Variants in CLK1 observed in about 807,000 individuals in gnomAD.
The protein encoded by CLK1 is dual specificity protein kinase CLK1.
In CLK1, 40 loss-of-function variants were observed where a neutral mutation model predicts 60.9. That is an observed-to-expected ratio of 0.66 (90% CI 0.51 to 0.86). CLK1 has a LOEUF of 0.86. CLK1 is among the 40% of genes least tolerant of loss of function. CLK1 has a pLI of 0.00. For missense variants in CLK1, 563 were observed against 606.1 expected, an observed-to-expected ratio of 0.93 and a Z score of 0.75; for synonymous variants, 203 against 184.4, an observed-to-expected ratio of 1.10 and a Z score of -0.82.
intron 3 of CLK1, chr2:200,860,535 A>G (rs2039120206): frequency 9.4e-7 from 1 of 1,063,862 alleles, no homozygotes; most frequent in Non-Finnish European, 1.1e-6. Flanking sequence ...ACTGAAACAT[A>G]ATTTTTTAGT....
Position 200,859,670 on chromosome 2 carries a change from G to A in CLK1, c.548+10C>T, listed in dbSNP as rs1414406226. On this transcript the variant is annotated intron_variant, in intron 5 of 12. Transcript: ENST00000321356. The stretch of plus-strand genomic sequence containing the variant: ...CTTCCCTAAAAGTAATCCCAACATG[G>A]GAAACTTACGCTTTATGATCGATGC... The A allele has an allele frequency of 1.9e-6, 3 of 1,608,338 alleles. No individual in the cohort carries two copies. Among genetic ancestry groups the A allele is most frequent in the Admixed American group, 1.7e-5 (1 of 59,162 alleles).
chr2:200,853,355 CTG>C lies in CLK1; in HGVS notation c.1404_1405del (p.Glu470SerfsTer8). On this transcript the variant is annotated frameshift_variant, in exon 13 of 13. Transcript: ENST00000321356. LOFTEE classifies it high-confidence loss of function. The stretch of plus-strand genomic sequence containing the variant: ...AAAGAAAGGATGCTTTAAGGCTTCT[CTG>C]AGAGTAATTCTTTTGGCTGGATCAT... The C allele has an allele frequency of 2.5e-6, 4 of 1,613,360 alleles. No individual in the cohort carries two copies. Among genetic ancestry groups the C allele is most frequent in the Non-Finnish European group, 3.4e-6 (4 of 1,179,654 alleles).
At position 200,854,986 on chromosome 2, in the gene CLK1, T is replaced by C. The variant is rs200832543; in HGVS notation, c.1140+18A>G. ...TTTCTTGTGCAAAGCAAGGTTGAAA[T>C]AGATCATTGTCACTTACTGGAAATA... On this transcript the variant is annotated intron_variant, in intron 10 of 12. Coordinates refer to ENST00000321356, the MANE Select transcript of CLK1 (RefSeq NM_004071.4). The C allele has an allele frequency of 6.4e-5, 101 of 1,588,786 alleles. No individual in the cohort carries two copies. The highest frequency in any genetic ancestry group is 8.2e-5 in the Non-Finnish European group (96 of 1,164,576).
At chr2:200,862,970 A>C (rs2039165464) in intron 1 of CLK1, among the ~76,000 whole-genome samples, 1 of 152,248 alleles carries the variant, frequency 6.6e-6, no homozygotes, top group African/African-American at 2.4e-5. Context: ...CCTAAACGCA[A>C]TGTTAACACA....
chr2:200,864,513 A>T (rs991370889), intron 1 of CLK1, 51 bp downstream of exon 1: 19 of 412,814 alleles, frequency 4.6e-5, no homozygotes, highest in Non-Finnish European at 7.4e-5. Context: ...GGCGCCCGCG[A>T]GGCTCACAGG....
At position 200,853,072 on chromosome 2, in the gene CLK1, C is replaced by T. The variant is rs1264346909; in HGVS notation, c.*234G>A. 1 of 353,778 alleles carries T rather than the reference C, an allele frequency of 2.8e-6. No homozygotes were observed. Among genetic ancestry groups the T allele is most frequent in the Non-Finnish European group, 5.1e-6 (1 of 197,922 alleles). 21.9% of individuals were successfully genotyped at this position (353,778 alleles called of 1,614,324 possible). ...GTACTTAGAACAAACTGTTCAGATACATATCAACTTCATAAGCACAAAAAA... is the reference window on the plus strand; with the variant it reads ...GTACTTAGAACAAACTGTTCAGATATATATCAACTTCATAAGCACAAAAAA... On this transcript the variant is annotated 3_prime_UTR_variant, in exon 13 of 13. Coordinates refer to ENST00000321356, the MANE Select transcript of CLK1 (RefSeq NM_004071.4).
At chr2:200,854,782 G>T (rs1187158013) in intron 10 of CLK1, 87 bp from the exon 11 acceptor site, 1 of 1,007,798 alleles carries the variant, frequency 9.9e-7, no homozygotes, top group Non-Finnish European at 1.6e-6. Context: ...TAACATTAAG[G>T]CTTGCAGAAC....
chr2:200,853,967 C>A lies in CLK1; in HGVS notation c.1247G>T (p.Arg416Leu), dbSNP rs56049927. 4 of 1,610,114 alleles carry A rather than the reference C, an allele frequency of 2.5e-6. No homozygotes were observed. The highest frequency in any genetic ancestry group is 4.5e-5 in the East Asian group (2 of 44,412). ...AGAACTGTGTTCATCCCAGTCTAAT[C>A]GATCGTGGTGAAAATATTTACGTTT... is the stretch of plus-strand genomic sequence containing the variant. ...TRKRKYFHHD[R>L]LDWDEHSSAG... Residue 416 changes from arginine to leucine, a missense_variant, in exon 12 of 13, where the codon CGA (arginine) becomes CTA (leucine). Coordinates refer to ENST00000321356, the MANE Select transcript of CLK1 (RefSeq NM_004071.4).
chr2:200,858,416 C>G (rs990956104), intron 5 of CLK1, among the ~76,000 whole-genome samples: 1 of 152,072 alleles, frequency 6.6e-6, no homozygotes, highest in Admixed American at 6.5e-5. Flanking sequence ...GCTCTAGGAC[C>G]GGGAGCAGTG....
chr2:200,861,952 G>A (rs2039146367), intron 1 of CLK1, 90 bp from the exon 2 acceptor site: 7 of 1,006,120 alleles, frequency 7.0e-6, no homozygotes, highest in African/African-American at 3.3e-5. Flanking sequence ...TCGTGACCTC[G>A]TTTTAAGACC....
intron 10 of CLK1, 131 bp downstream of exon 10, chr2:200,854,873 G>T: frequency 8.9e-6 from 7 of 789,250 alleles, no homozygotes; most frequent in East Asian, 5.3e-5. Context: ...AATTATGAAA[G>T]AAATATGAAT....
chr2:200,855,125 AAT>A, intron 9 of CLK1, 39 bp from the exon 10 acceptor site: 1 of 1,445,322 alleles, frequency 6.9e-7, no homozygotes, highest in Non-Finnish European at 9.5e-7. Context: ...AAAAATACTC[AAT>A]GTTTGTTAAA....
At chr2:200,860,654 T>G (rs2039122737) in intron 3 of CLK1, 1 of 996,892 alleles carries the variant, frequency 1.0e-6, no homozygotes, top group Non-Finnish European at 1.2e-6. Context: ...AAACAAATAT[T>G]ATAACAGTAA....
intron 4 of CLK1, 95 bp from the exon 5 acceptor site, chr2:200,859,841 C>T: frequency 1.3e-6 from 2 of 1,536,474 alleles, no homozygotes; most frequent in South Asian, 2.5e-5. Flanking sequence ...CTAGTTGATG[C>T]TACAAATTTC....
chr2:200,861,624 C>T, intron 2 of CLK1, 78 bp downstream of exon 2: 1 of 1,574,322 alleles, frequency 6.4e-7, no homozygotes, highest in South Asian at 1.2e-5. Flanking sequence ...TGGTAGTAAT[C>T]AGGTACTTAT....
At chr2:200,853,679 GAAAAAAAA>G (rs34449560) in intron 12 of CLK1, among the ~76,000 whole-genome samples, 7 of 49,130 alleles carry the variant, frequency 1.4e-4, no homozygotes, top group African/African-American at 5.4e-4. Context: ...GTCTTTACTT[GAAAAAAAA>G]AAAAAAAAAA....
chr2:200,862,188 A>C (rs2039150373), intron 1 of CLK1, among the ~76,000 whole-genome samples: 1 of 152,146 alleles, frequency 6.6e-6, no homozygotes, highest in Admixed American at 6.6e-5. Context: ...CCAGTAGTAC[A>C]AATATAGCAC....
intron 4 of CLK1, 113 bp from the exon 5 acceptor site, chr2:200,859,859 C>G (rs1575079639): frequency 1.3e-6 from 2 of 1,504,882 alleles, no homozygotes; most frequent in African/African-American, 2.8e-5. Context: ...TTCCTTATCA[C>G]TAGATATTTT....
At chr2:200,859,891 A>C in intron 4 of CLK1, 145 bp from the exon 5 acceptor site, 1 of 1,444,856 alleles carries the variant, frequency 6.9e-7, no homozygotes, top group South Asian at 1.5e-5. Flanking sequence ...CCATCAAAAA[A>C]CATAATTATT....
Sources: allele counts gnomAD v4.1 joint callset (sites outside exome capture counted in the v4.1 genomes callset), GRCh38; gene constraint gnomAD v4.1.1; transcripts MANE v1.5; gene names NCBI Gene and HGNC (gene_info 2026-07-23, HGNC 2026-07-21).